The following DHPS variants were observed in gnomAD, a reference collection of about 807,000 sequenced individuals.
The protein encoded by DHPS is deoxyhypusine synthase, also known as migration-inducing gene 13.
DHPS carries 24 observed loss-of-function variants against 38.7 expected under a neutral mutation model. The observed-to-expected ratio is 0.62, with a 90% CI of 0.45 to 0.87. DHPS has a LOEUF of 0.87. Among genes scored for constraint, DHPS ranks in the 40% least tolerant of loss-of-function variants. The pLI, the probability that DHPS is intolerant of heterozygous loss-of-function variation, is 0.00. For missense variants in DHPS, 510 were observed against 497.6 expected, an observed-to-expected ratio of 1.02 and a Z score of -0.24; for synonymous variants, 250 against 204.4, an observed-to-expected ratio of 1.22 and a Z score of -1.90.
intron 5 of DHPS, among the ~76,000 whole-genome samples, chr19:12,678,009 T>C (rs1379155053): frequency 1.3e-5 from 2 of 149,964 alleles, no homozygotes; most frequent in African/African-American, 2.4e-5. Flanking sequence ...TCCCAGCACT[T>C]TGGGAGGCCG....
At position 12,680,187 on chromosome 19, in the gene DHPS, T is replaced by C. The variant is rs1487190370; in HGVS notation, c.346A>G (p.Ile116Val). The C allele has an allele frequency of 1.9e-6, 3 of 1,614,080 alleles. No homozygotes were observed. The highest frequency in any genetic ancestry group is 2.7e-5 in the African/African-American group (2 of 74,924). Residue 116 changes from isoleucine (I) to valine (V), a missense_variant, in exon 2 of 9, where the codon ATT becomes GTT. By Grantham distance (29) the Ile-to-Val change is conservative. Transcript: ENST00000210060. The stretch of plus-strand genomic sequence containing the variant: ...ATGTTGTGCTGCACAAGGTAGCGAA[T>C]GGTCTCACGGATGCCTGAACTGATG... ...NLISSGIRETIRYLVQHNMVD... is the reference protein window; with the variant it reads ...NLISSGIRETVRYLVQHNMVD...
Position 12,676,098 on chromosome 19 carries a change from C to A in DHPS, c.933G>T (p.Glu311Asp). Residue 311 changes from glutamate (E) to aspartate (D), a missense_variant, in exon 8 of 9, where the codon GAG becomes GAT. Physicochemically the swap from Glu to Asp is conservative, Grantham distance 45. Coordinates refer to ENST00000210060, the MANE Select transcript of DHPS (RefSeq NM_001930.4). ...GGGCACCTGAGTCAGAGCCATCAAA[C>A]TCCTGGGCTGTGTTGATGTAAACAG... is the stretch of plus-strand genomic sequence containing the variant. ...DYAVYINTAQ[E>D]FDGSDSGARP... 6.2e-7 allele frequency: 1 copy of A among 1,613,962 alleles called. No individual in the cohort carries two copies. The highest frequency in any genetic ancestry group is 8.5e-7 in the Non-Finnish European group (1 of 1,179,972).
rs373101511 is a variant in DHPS at position 12,679,757 on chromosome 19, C to T, written c.495-38G>A. On this transcript the variant is annotated intron_variant, in intron 3 of 8. Coordinates refer to ENST00000210060, the MANE Select transcript of DHPS (RefSeq NM_001930.4). ...GGCATGTAGGCATCAGGCCCCAGGACCCTTGGTCCAGCTCCCCTGCCCAAC... is the reference window on the plus strand; with the variant it reads ...GGCATGTAGGCATCAGGCCCCAGGATCCTTGGTCCAGCTCCCCTGCCCAAC... 56 of 1,614,112 alleles carry T rather than the reference C, an allele frequency of 3.5e-5. No homozygotes were observed. In the African/African-American group the frequency reaches 6.9e-4, roughly 20 times the overall value.
In DHPS at chr19:12,679,509, C is replaced by G; in HGVS notation, c.626G>C (p.Arg209Pro). The G allele has an allele frequency of 6.2e-7, 1 of 1,614,180 alleles. No individual in the cohort carries two copies. Residue 209 changes from arginine (R) to proline (P), a missense_variant, in exon 5 of 9, where the codon CGG becomes CCG. Physicochemically the swap from Arg to Pro is moderately radical, Grantham distance 103 (BLOSUM62 -2). Transcript: ENST00000210060. ...TGGGTTGTTGATCTCCTTGCCCAGC[C>G]GGGCGATCATCTTAGAAGGCGTCCA... ...VKWTPSKMIA[R>P]LGKEINNPES...
chr19:12,674,073 G>A (rs2024499326), downstream of DHPS, among the ~76,000 whole-genome samples: 1 of 152,222 alleles, frequency 6.6e-6, no homozygotes, highest in African/African-American at 2.4e-5. Flanking sequence ...GGTGTAGCCT[G>A]CGCATGCATC....
chr19:12,677,153 C>A lies in DHPS; in HGVS notation c.843G>T (p.Leu281=). Residue 281 remains leucine (L), a synonymous_variant, in exon 7 of 9, where the codon CTG becomes CTT. Transcript: ENST00000210060. ...TGTGGTGCTTGACCACGCCCCCGCC[C>A]AGAATGATCATCCCAGTGCACTTGG... ...IFAKCTGMII[L]GGGVVKHHIA... is the part of the protein sequence containing the mutation. 6.2e-7 allele frequency: 1 copy of A among 1,614,204 alleles called. No individual in the cohort carries two copies. Among genetic ancestry groups the A allele is most frequent in the Non-Finnish European group, 8.5e-7 (1 of 1,180,032 alleles).
chr19:12,673,520 C>T (rs936877638), downstream of DHPS, among the ~76,000 whole-genome samples: 9 of 149,028 alleles, frequency 6.0e-5, no homozygotes, highest in Admixed American at 5.5e-4. Flanking sequence ...CAAGTTCAAG[C>T]GATTCTCCTG....
chr19:12,677,753 A>C (rs866891336), intron 5 of DHPS, among the ~76,000 whole-genome samples: 5 of 152,070 alleles, frequency 3.3e-5, no homozygotes, highest in South Asian at 4.2e-4. Flanking sequence ...CTCCTGCTTC[A>C]GCCTCCCGAG....
In DHPS at chr19:12,676,113, GATGTAA is replaced by G. The variant is rs1568317152; in HGVS notation, c.912_917del (p.Tyr305_Ile306del). On this transcript the variant is annotated inframe_deletion, in exon 8 of 9. Coordinates refer to ENST00000210060, the MANE Select transcript of DHPS (RefSeq NM_001930.4). Reference sequence around the variant, plus strand: ...AGCCATCAAACTCCTGGGCTGTGTTGATGTAAACAGCGTAGTCGGCCCCGTTCCGCT... The same window carrying G: ...AGCCATCAAACTCCTGGGCTGTGTTGACAGCGTAGTCGGCCCCGTTCCGCT... 1 of 1,613,538 alleles carries G rather than the reference GATGTAA, an allele frequency of 6.2e-7. No individual in the cohort carries two copies. Among genetic ancestry groups the G allele is most frequent in the Non-Finnish European group, 8.5e-7 (1 of 1,179,888 alleles).
intron 4 of DHPS, 33 bp from the exon 5 acceptor site, chr19:12,679,576 C>G: frequency 6.2e-7 from 1 of 1,613,928 alleles, no homozygotes; most frequent in Non-Finnish European, 8.5e-7. Context: ...GGCCATGCCT[C>G]CCCTGACTCC....
downstream of DHPS, chr19:12,672,968 G>A (rs1306353265): frequency 6.3e-7 from 1 of 1,598,684 alleles, no homozygotes. Flanking sequence ...GCCAACCAGG[G>A]GCACCCCACC....
chr19:12,679,962 CCCCTG>C, intron 2 of DHPS, 40 bp from the exon 3 acceptor site: 4 of 1,591,276 alleles, frequency 2.5e-6, no homozygotes, highest in Non-Finnish European at 3.4e-6. Context: ...AAGAAGGAAG[CCCCTG>C]CCCTCATTCT....
chr19:12,672,672 T>A, downstream of DHPS: 2 of 645,446 alleles, frequency 3.1e-6, no homozygotes, highest in Non-Finnish European at 5.5e-6. Flanking sequence ...GGTGTGGGTC[T>A]TGGAAATGAT....
intron 5 of DHPS, among the ~76,000 whole-genome samples, chr19:12,679,090 G>A (rs1328435695): frequency 1.3e-5 from 2 of 152,046 alleles, no homozygotes; most frequent in Non-Finnish European, 2.9e-5. Context: ...GACGCCAGGA[G>A]TTCAAGACCA....
intron 1 of DHPS, chr19:12,681,317 C>T: frequency 1.8e-6 from 2 of 1,142,444 alleles, no homozygotes; most frequent in South Asian, 1.6e-5. Flanking sequence ...AGAACCCGCC[C>T]CCACACCAAG....
intron 1 of DHPS, 38 bp from the exon 2 acceptor site, chr19:12,680,363 T>G: frequency 6.2e-7 from 1 of 1,611,708 alleles, no homozygotes; most frequent in Non-Finnish European, 8.5e-7. Context: ...GCACTGGCCT[T>G]AAATCCCAGA....
chr19:12,676,339 C>CCAGA, intron 7 of DHPS, 197 bp from the exon 8 acceptor site: 1 of 678,354 alleles, frequency 1.5e-6, no homozygotes. Context: ...CTGTGTTTCC[C>CCAGA]CAGACCCAAC....
At chr19:12,672,773 C>A, downstream of DHPS, 1 of 1,475,548 alleles carries the variant, frequency 6.8e-7, no homozygotes, top group Non-Finnish European at 9.3e-7. Context: ...GCCCACTGGG[C>A]TGGGAAGGCA....
At chr19:12,679,233 G>A (rs919355093) in intron 5 of DHPS, among the ~76,000 whole-genome samples, 2 of 152,072 alleles carry the variant, frequency 1.3e-5, no homozygotes, top group Non-Finnish European at 2.9e-5. Context: ...AGGAGGTTGA[G>A]GCTGCAATGA....
Sources: gnomAD v4.1 joint callset for allele counts (sites outside exome capture counted in the v4.1 genomes callset) on GRCh38, gnomAD v4.1.1 for gene constraint, MANE v1.5 for transcripts, NCBI Gene and HGNC (gene_info 2026-07-23, HGNC 2026-07-21) for gene names.